The following USP53 variants were observed in gnomAD, a reference collection of about 807,000 sequenced individuals.
USP53 encodes the protein ubiquitin carboxyl-terminal hydrolase 53.
Under a neutral mutation model 94.9 loss-of-function variants are expected in USP53, and 71 were observed. That is an observed-to-expected ratio of 0.75 (90% CI 0.62 to 0.91). USP53 has a LOEUF of 0.91. Among genes scored for constraint, USP53 ranks in the 40% least tolerant of loss-of-function variants. The pLI is 0.00. For synonymous variants in USP53, 375 were observed against 422.7 expected, an observed-to-expected ratio of 0.89 and a Z score of 1.39; for missense variants, 1,173 against 1,281.0, an observed-to-expected ratio of 0.92 and a Z score of 1.29.
intron 3 of USP53, among the ~76,000 whole-genome samples, chr4:119,225,272 T>C (rs1745084701): frequency 6.6e-6 from 1 of 152,166 alleles, no homozygotes; most frequent in Non-Finnish European, 1.5e-5. Flanking sequence ...AGTAGCCCTT[T>C]CTATCAAAGA....
intron 3 of USP53, among the ~76,000 whole-genome samples, chr4:119,231,277 T>G (rs1013898335): frequency 6.6e-6 from 1 of 152,182 alleles, no homozygotes; most frequent in African/African-American, 2.4e-5. Context: ...TTTACTTTAT[T>G]TCCTTCATTA....
At chr4:119,279,055 C>T (rs1263650766) in intron 17 of USP53, among the ~76,000 whole-genome samples, 114 of 122,232 alleles carry the variant, frequency 9.3e-4, no homozygotes, top group Admixed American at 1.8e-3. Flanking sequence ...AATGTCCTCC[C>T]GTAGCTCAGA....
chr4:119,280,277 C>A (rs925760694), intron 17 of USP53, among the ~76,000 whole-genome samples: 1 of 151,468 alleles, frequency 6.6e-6, no homozygotes, highest in Non-Finnish European at 1.5e-5. Flanking sequence ...CATTAGGGAC[C>A]CTTGAACACA....
intron 3 of USP53, chr4:119,220,199 T>C (rs556349265): frequency 6.6e-6 from 1 of 152,304 alleles, no homozygotes; most frequent in Non-Finnish European, 1.5e-5. Flanking sequence ...CTATGGGGAA[T>C]ATAATTGATA....
chr4:119,291,448 A>G (rs1332877285), intron 18 of USP53, among the ~76,000 whole-genome samples, 187 bp downstream of exon 18: 1 of 149,204 alleles, frequency 6.7e-6, no homozygotes, highest in Non-Finnish European at 1.5e-5. Flanking sequence ...ACAGTATCTG[A>G]TTGTCTGTTT....
At position 119,292,951 on chromosome 4, in the gene USP53, G is replaced by A; in HGVS notation, c.2962G>A (p.Val988Met). ...TGAAAGACATAAAGAAACATTTCAA[G>A]TGAGAGAATGTTTTGGCAACACACC... ...NDERHKETFQ[V>M]RECFGNTPNC... The change falls in exon 19 of 19, where the codon GTG becomes ATG. Residue 988 changes from valine to methionine, a missense_variant. Transcript: ENST00000692078. 1 of 1,614,140 alleles carries A rather than the reference G, an allele frequency of 6.2e-7. No homozygotes were observed. Among genetic ancestry groups the A allele is most frequent in the Non-Finnish European group, 8.5e-7 (1 of 1,179,986 alleles).
chr4:119,246,721 T>C (rs1748292090), intron 6 of USP53, among the ~76,000 whole-genome samples: 1 of 152,152 alleles, frequency 6.6e-6, no homozygotes, highest in South Asian at 2.1e-4. Flanking sequence ...ATACAGTCTG[T>C]TTTAACCAGA....
At chr4:119,287,265 C>T (rs1215028772) in intron 17 of USP53, among the ~76,000 whole-genome samples, 2 of 151,842 alleles carry the variant, frequency 1.3e-5, no homozygotes, top group Non-Finnish European at 2.9e-5. Flanking sequence ...TGGAAGTAAA[C>T]GTGTTAAATC....
chr4:119,257,632 A>G (rs1482831915), intron 9 of USP53, among the ~76,000 whole-genome samples: 1 of 152,200 alleles, frequency 6.6e-6, no homozygotes, highest in Non-Finnish European at 1.5e-5. Flanking sequence ...TATTCATTTC[A>G]TATTATTTAT....
chr4:119,277,036 C>CAAAA (rs1752749833), intron 17 of USP53, among the ~76,000 whole-genome samples: 6 of 82,826 alleles, frequency 7.2e-5, no homozygotes, highest in African/African-American at 2.7e-4. Flanking sequence ...TTTGTTGATC[C>CAAAA]TTTCAAAAAA....
chr4:119,236,785 C>T (rs140189303), intron 4 of USP53, among the ~76,000 whole-genome samples: 66 of 152,312 alleles, frequency 4.3e-4, no homozygotes, highest in African/African-American at 1.4e-3. Flanking sequence ...TCTTGAGCCC[C>T]TCAGAGTCAT....
chr4:119,265,618 C>G (rs1751025895), intron 12 of USP53, among the ~76,000 whole-genome samples: 1 of 151,978 alleles, frequency 6.6e-6, no homozygotes, highest in Non-Finnish European at 1.5e-5. Context: ...TTGCAGTGAG[C>G]CGAGACCGTG....
chr4:119,231,711 G>A (rs933321260), intron 3 of USP53, among the ~76,000 whole-genome samples: 1 of 152,136 alleles, frequency 6.6e-6, no homozygotes, highest in Non-Finnish European at 1.5e-5. Flanking sequence ...AGAAGGAGCC[G>A]GAGGTGAAGT....
chr4:119,282,280 G>C (rs377041169), intron 17 of USP53, among the ~76,000 whole-genome samples: 11 of 152,076 alleles, frequency 7.2e-5, no homozygotes, highest in African/African-American at 2.7e-4. Context: ...ATGAATATTA[G>C]TGTGCAAATG....
At chr4:119,277,711 C>G (rs1417967790) in intron 17 of USP53, among the ~76,000 whole-genome samples, 1 of 146,384 alleles carries the variant, frequency 6.8e-6, no homozygotes, top group Non-Finnish European at 1.5e-5. Flanking sequence ...GTTAAAGTCT[C>G]CCATTATTAA....
chr4:119,294,015 G>A lies in USP53; in HGVS notation c.*804G>A. ...TATTCATAAATGCTACTTTAGCCAT[G>A]TAAGTTAAAAAGTTAAAATACTTAA... On this transcript the variant is annotated 3_prime_UTR_variant, in exon 19 of 19. Transcript: ENST00000692078. 1 of 152,186 alleles carries A rather than the reference G, an allele frequency of 6.6e-6. No individual in the cohort carries two copies. Among genetic ancestry groups the A allele is most frequent in the East Asian group, 1.9e-4 (1 of 5,180 alleles). 9.4% of individuals were successfully genotyped at this position (152,186 alleles called of 1,614,324 possible). A position where few individuals can be genotyped will look rare whatever the true frequency, so the allele number is the denominator to read the frequency against.
intron 16 of USP53, 199 bp downstream of exon 16, chr4:119,272,233 T>C: frequency 2.2e-6 from 1 of 445,468 alleles, no homozygotes; most frequent in Non-Finnish European, 3.7e-6. Flanking sequence ...TTATTTGATA[T>C]TTTAGATTTC....
At chr4:119,221,080 A>T (rs1659847358) in intron 3 of USP53, 2 of 152,210 alleles carry the variant, frequency 1.3e-5, no homozygotes, top group Admixed American at 1.3e-4. Context: ...TCTTGCTAAA[A>T]TTGGACAACG....
chr4:119,221,972 C>T (rs1388561012), intron 3 of USP53, among the ~76,000 whole-genome samples: 1 of 152,146 alleles, frequency 6.6e-6, no homozygotes, highest in Non-Finnish European at 1.5e-5. Context: ...TAGTGCCACC[C>T]TGAAGAAGCA....
Sources: allele counts gnomAD v4.1 joint callset (sites outside exome capture counted in the v4.1 genomes callset), GRCh38; gene constraint gnomAD v4.1.1; transcripts MANE v1.5; gene names NCBI Gene and HGNC (gene_info 2026-07-23, HGNC 2026-07-21).